The following LRRC74B variants were observed in gnomAD, a reference collection of about 807,000 sequenced individuals.
The protein encoded by LRRC74B is leucine-rich repeat-containing protein 74B.
Under a neutral mutation model 16.6 loss-of-function variants are expected in LRRC74B, and 30 were observed. That is an observed-to-expected ratio of 1.80 (90% confidence interval 1.35 to 2.45). The LOEUF is 2.45. Ranked by LOEUF, LRRC74B falls within the 30% of genes most tolerant of loss-of-function variation. LRRC74B has a pLI of 0.00. For synonymous variants in LRRC74B, 134 were observed against 86.0 expected (o/e 1.56, Z -3.09); for missense variants, 326 against 202.4 (o/e 1.61, Z -3.71).
rs560691051 is a variant in LRRC74B, at chr22:21,052,323, G to T, written c.697G>T (p.Gly233Cys). Residue 233 changes from glycine (G) to cysteine (C), a missense_variant, in exon 5 of 9, where the codon GGC becomes TGC. Coordinates refer to ENST00000442047, the Ensembl canonical transcript of LRRC74B. ...TAACGTGAGCTGGAATCACCTCCGGGGCCCAGGAGCTGTGGCATTTGCCAG... is the reference window on the plus strand; with the variant it reads ...TAACGTGAGCTGGAATCACCTCCGGTGCCCAGGAGCTGTGGCATTTGCCAG... 265 of 717,380 alleles carry T rather than the reference G, an allele frequency of 3.7e-4. 1 individual carries two copies. The highest frequency in any genetic ancestry group is 6.3e-4 in the Non-Finnish European group (241 of 385,116). The allele number at this position is 717,380 out of a possible 1,614,324, so 44.4% of individuals were successfully genotyped here.
chr22:21,051,355 C>T (rs1930028231), intron 4 of LRRC74B, among the ~76,000 whole-genome samples: 1 of 152,104 alleles, frequency 6.6e-6, no homozygotes, highest in Non-Finnish European at 1.5e-5. Context: ...CCGCCTTCAT[C>T]TCTAGGTCTC....
downstream of LRRC74B, chr22:21,062,747 G>A (rs147977482): frequency 1.5e-4 from 22 of 149,642 alleles, no homozygotes; most frequent in African/African-American, 5.4e-4. Context: ...GAAGAATCAG[G>A]CTCAGCGCAC....
At chr22:21,055,579 G>A (rs1541601) in intron 7 of LRRC74B, among the ~76,000 whole-genome samples, 9,353 of 152,230 alleles carry the variant, frequency 0.061, 773 homozygotes, top group East Asian at 0.37. Context: ...TGGGTTTGCA[G>A]GTGGGGAGGG....
At chr22:21,051,346 C>T (rs767595796) in intron 4 of LRRC74B, among the ~76,000 whole-genome samples, 14 of 152,204 alleles carry the variant, frequency 9.2e-5, no homozygotes, top group Middle Eastern at 6.8e-3. Flanking sequence ...CATGTTGCTC[C>T]GCCTTCATCT....
chr22:21,047,438 C>T (rs561230771), exon 2 of LRRC74B: 80 of 717,418 alleles, frequency 1.1e-4, no homozygotes, highest in Non-Finnish European at 1.9e-4. Flanking sequence ...CCATCTCCTG[C>T]TTTCTGCGCC....
intron 3 of LRRC74B, 76 bp from the exon 4 acceptor site, chr22:21,048,875 A>T (rs1305467594): frequency 4.4e-6 from 3 of 685,760 alleles, no homozygotes; most frequent in African/African-American, 3.5e-5. Flanking sequence ...TCAGACCTGG[A>T]GGTTTGGGGG....
rs1569193312 is a variant in LRRC74B, at chr22:21,047,391, CTG to C, written c.177_178del (p.Tyr60ProfsTer8). The C allele has an allele frequency of 4.2e-6, 3 of 717,480 alleles. No homozygotes were observed. The highest frequency in any genetic ancestry group is 2.3e-4 in the Middle Eastern group (1 of 4,372). 44.4% of individuals were successfully genotyped at this position (717,480 alleles called of 1,614,324 possible). A position where few individuals can be genotyped will look rare whatever the true frequency, so the allele number is the denominator to read the frequency against. On this transcript the variant is annotated frameshift_variant, in exon 2 of 9. Transcript: ENST00000442047. LOFTEE classifies it high-confidence loss of function. Reference sequence around the variant, plus strand: ...GCTTGGAGAACTGGTCAGGGACACACTGTACCTGAGGTCTTGCCGGGCCCATA... The same window carrying C: ...GCTTGGAGAACTGGTCAGGGACACACTACCTGAGGTCTTGCCGGGCCCATA...
rs1187095442 is a variant in LRRC74B at position 21,049,910 on chromosome 22, A to G, written c.622+753A>G. 4.6e-5 allele frequency among the ~76,000 whole-genome samples: 7 copies of G among 152,292 alleles called. No homozygotes were observed. In the East Asian group the frequency reaches 1.2e-3, roughly 25 times the overall value. On this transcript the variant is annotated intron_variant, in intron 4 of 8. Transcript: ENST00000442047. The stretch of plus-strand genomic sequence containing the variant: ...TACCTGCCTCTCCTCAAATGGTCCA[A>G]TAATGGTAAGGATCACCTGAGACCC...
intron 1 of LRRC74B, among the ~76,000 whole-genome samples, chr22:21,046,723 C>T (rs1040786696): frequency 6.6e-6 from 1 of 152,086 alleles, no homozygotes; most frequent in Admixed American, 6.6e-5. Flanking sequence ...GCCTTGAACT[C>T]TGCACTCTAG....
chr22:21,055,748 C>T (rs1402073852), intron 7 of LRRC74B, among the ~76,000 whole-genome samples: 2 of 152,172 alleles, frequency 1.3e-5, no homozygotes, highest in Admixed American at 1.3e-4. Flanking sequence ...AGCTCCCCAC[C>T]CTAGCCTTAC....
chr22:21,057,094 G>T lies in LRRC74B; in HGVS notation c.928-11G>T. On this transcript the variant is annotated splice_polypyrimidine_tract_variant and intron_variant, in intron 7 of 8. Coordinates refer to ENST00000442047, the Ensembl canonical transcript of LRRC74B. The stretch of plus-strand genomic sequence containing the variant: ...CCTGGCTTCTCGCAGCTTTGTGTGC[G>T]TGTTTCTCAGGTGTCCAGGAATCCC... The T allele has an allele frequency of 1.4e-6, 1 of 717,310 alleles. No homozygotes were observed. Among genetic ancestry groups the T allele is most frequent in the South Asian group, 1.5e-5 (1 of 67,570 alleles). 44.4% of individuals were successfully genotyped at this position (717,310 alleles called of 1,614,324 possible).
intron 4 of LRRC74B, 31 bp downstream of exon 4, chr22:21,049,188 A>C (rs1415132697): frequency 1.4e-6 from 1 of 702,088 alleles, no homozygotes; most frequent in African/African-American, 1.8e-5. Context: ...CATGGCCATG[A>C]AAGCTCAGCT....
chr22:21,060,158 G>A (rs78913149), intron 8 of LRRC74B, among the ~76,000 whole-genome samples: 7 of 152,008 alleles, frequency 4.6e-5, no homozygotes, highest in African/African-American at 1.2e-4. Context: ...GACACAGTAC[G>A]ATCCCATTTC....
At chr22:21,048,390 G>A in intron 3 of LRRC74B, 1 of 277,436 alleles carries the variant, frequency 3.6e-6, no homozygotes, top group Non-Finnish European at 7.0e-6. Context: ...GTTTGATGGG[G>A]CTGGATCCAA....
At chr22:21,053,302 A>T (rs1930215962) in intron 5 of LRRC74B, 58 bp from the exon 6 acceptor site, 1 of 699,046 alleles carries the variant, frequency 1.4e-6, no homozygotes, top group African/African-American at 1.8e-5. Flanking sequence ...AGGCTGTGGC[A>T]CCCTGGCTTG....
chr22:21,052,611 C>A (rs1397644236), intron 5 of LRRC74B, among the ~76,000 whole-genome samples: 1 of 151,926 alleles, frequency 6.6e-6, no homozygotes, highest in Non-Finnish European at 1.5e-5. Context: ...ACCATAGACA[C>A]CCAGCTGGGA....
chr22:21,056,048 A>C (rs1930497621), intron 7 of LRRC74B, among the ~76,000 whole-genome samples: 2 of 149,194 alleles, frequency 1.3e-5, no homozygotes, highest in Non-Finnish European at 1.5e-5. Flanking sequence ...CACCCTGCTG[A>C]CTCCTCCCTC....
At chr22:21,056,178 C>T (rs956775904) in intron 7 of LRRC74B, among the ~76,000 whole-genome samples, 1 of 152,184 alleles carries the variant, frequency 6.6e-6, no homozygotes, top group Admixed American at 6.5e-5. Context: ...AGTTTTATCC[C>T]CTCTGGATAA....
downstream of LRRC74B, chr22:21,062,712 C>CAAAAAAAAAAAA (rs71188206): frequency 1.6e-5 from 1 of 60,856 alleles, no homozygotes; most frequent in African/African-American, 6.9e-5. Flanking sequence ...GACTCGGTCT[C>CAAAAAAAAAAAA]AAAAAAAAAA....
Sources: allele counts gnomAD v4.1 joint callset (sites outside exome capture counted in the v4.1 genomes callset), GRCh38; gene constraint gnomAD v4.1.1; transcripts MANE v1.5; gene names NCBI Gene and HGNC (gene_info 2026-07-23, HGNC 2026-07-21).